The following VSTM2A variants were observed in gnomAD, a reference collection of about 807,000 sequenced individuals.
VSTM2A encodes the protein V-set and transmembrane domain containing 2A.
Under a neutral mutation model 27.3 loss-of-function variants are expected in VSTM2A, and 13 were observed. The ratio of observed to expected loss-of-function variants is 0.48; its 90% CI spans 0.31 to 0.76. The LOEUF is 0.76. Ranked by LOEUF, VSTM2A falls within the 30% of genes least tolerant of loss-of-function variation. The pLI is 0.05. For synonymous variants in VSTM2A, 142 were observed against 125.7 expected, an observed-to-expected ratio of 1.13 and a Z score of -0.87; for missense variants, 280 against 310.0, an observed-to-expected ratio of 0.90 and a Z score of 0.73.
intron 1 of VSTM2A, 119 bp from the exon 2 acceptor site, chr7:54,544,503 A>G (rs1474970171): frequency 8.8e-6 from 11 of 1,253,444 alleles, no homozygotes; most frequent in Non-Finnish European, 1.3e-5. Flanking sequence ...GAAGCCGAGG[A>G]TGTAAGAGAG....
intron 4 of VSTM2A, among the ~76,000 whole-genome samples, chr7:54,553,113 A>G (rs963880050): frequency 6.6e-6 from 1 of 152,256 alleles, no homozygotes; most frequent in Non-Finnish European, 1.5e-5. Context: ...AAGATAGTCT[A>G]TGACCATCTG....
intron 4 of VSTM2A, among the ~76,000 whole-genome samples, chr7:54,565,727 G>A (rs923933382): frequency 3.3e-5 from 5 of 152,236 alleles, no homozygotes; most frequent in Admixed American, 1.3e-4. Context: ...GGCTGCCAAG[G>A]TCTCAACTAC....
At chr7:54,547,202 T>C (rs1788029513) in intron 3 of VSTM2A, 1 of 515,132 alleles carries the variant, frequency 1.9e-6, no homozygotes, top group South Asian at 3.4e-5. Context: ...TGTCTAAACA[T>C]TCTAGAGAAT....
intron 1 of VSTM2A, among the ~76,000 whole-genome samples, chr7:54,543,649 T>G (rs572443318): frequency 1.3e-3 from 195 of 152,312 alleles, no homozygotes; most frequent in Non-Finnish European, 2.4e-3. Context: ...AAATCATTTC[T>G]GCATTCCCCA....
At chr7:54,569,054 T>A in intron 4 of VSTM2A, 77 bp from the exon 5 acceptor site, 1 of 1,606,714 alleles carries the variant, frequency 6.2e-7, no homozygotes, top group Non-Finnish European at 8.5e-7. Context: ...CTGCTTCTTG[T>A]TTGTGGCTTT....
In VSTM2A at chr7:54,542,616, G is replaced by T; in HGVS notation, c.-115G>T. On this transcript the variant is annotated 5_prime_UTR_variant, in exon 1 of 5. An upstream start codon of the reference 5' UTR is lost. Coordinates refer to ENST00000402613, the MANE Select transcript of VSTM2A (RefSeq NM_001301009.2). The stretch of plus-strand genomic sequence containing the variant: ...GCCCTCGCCAAGCAAGCAGCAGGAT[G>T]TTTGCAGTGTCGCGCCCAGGGCTCT... 1 of 864,026 alleles carries T rather than the reference G, an allele frequency of 1.2e-6. No homozygotes were observed. Among genetic ancestry groups the T allele is most frequent in the Non-Finnish European group, 1.9e-6 (1 of 531,244 alleles). 53.5% of individuals were successfully genotyped at this position (864,026 alleles called of 1,614,324 possible).
At chr7:54,551,408 C>T (rs970075328) in intron 4 of VSTM2A, 1 of 151,452 alleles carries the variant, frequency 6.6e-6, no homozygotes, top group African/African-American at 2.4e-5. Context: ...GTTTGCCCTG[C>T]CTTATAATGT....
intron 4 of VSTM2A, among the ~76,000 whole-genome samples, chr7:54,555,639 A>G (rs1335477729): frequency 6.6e-6 from 1 of 152,202 alleles, no homozygotes; most frequent in Non-Finnish European, 1.5e-5. Flanking sequence ...GCTCAAAGTC[A>G]CACATTCTGG....
chr7:54,562,558 C>T (rs146254621), intron 4 of VSTM2A, among the ~76,000 whole-genome samples: 1,849 of 152,278 alleles, frequency 0.012, 18 homozygotes, highest in Non-Finnish European at 0.017. Flanking sequence ...CCTCAACTCA[C>T]GAGTTATTCT....
chr7:54,553,998 C>G, intron 4 of VSTM2A: 1 of 1,553,228 alleles, frequency 6.4e-7, no homozygotes, highest in Non-Finnish European at 8.7e-7. Flanking sequence ...AACTGTGAAG[C>G]GGCTTCCTGC....
intron 1 of VSTM2A, among the ~76,000 whole-genome samples, chr7:54,543,888 GC>G (rs1475616419): frequency 6.6e-6 from 1 of 152,192 alleles, no homozygotes; most frequent in African/African-American, 2.4e-5. Flanking sequence ...CATGAATCTT[GC>G]AAACTAGCAG....
chr7:54,561,956 A>G (rs1788575501), intron 4 of VSTM2A, among the ~76,000 whole-genome samples: 1 of 151,756 alleles, frequency 6.6e-6, no homozygotes, highest in African/African-American at 2.4e-5. Flanking sequence ...ACAGAGTCTC[A>G]CTCTGTCACC....
intron 3 of VSTM2A, among the ~76,000 whole-genome samples, chr7:54,547,837 C>T (rs1198832383): frequency 1.3e-5 from 2 of 151,958 alleles, no homozygotes; most frequent in Non-Finnish European, 2.9e-5. Context: ...CTTACAATAG[C>T]GTAAAGTGGT....
At chr7:54,568,911 G>T in intron 4 of VSTM2A, 1 of 1,338,242 alleles carries the variant, frequency 7.5e-7, no homozygotes, top group Non-Finnish European at 1.0e-6. Context: ...CCAAGCTGGC[G>T]AGCTAATTAA....
chr7:54,554,784 C>A (rs968484362), intron 4 of VSTM2A, among the ~76,000 whole-genome samples: 2 of 152,208 alleles, frequency 1.3e-5, no homozygotes, highest in Admixed American at 1.3e-4. Context: ...CCCCAGCCTT[C>A]CTCCAGCCAC....
Position 54,570,416 on chromosome 7 carries a change from T to C in VSTM2A, c.*1197T>C, listed in dbSNP as rs925133602. 1 of 152,202 alleles carries C rather than the reference T, an allele frequency of 6.6e-6. No homozygotes were observed. Among genetic ancestry groups the C allele is most frequent in the Non-Finnish European group, 1.5e-5 (1 of 68,024 alleles). 9.4% of individuals were successfully genotyped at this position (152,202 alleles called of 1,614,324 possible). On this transcript the variant is annotated 3_prime_UTR_variant, in exon 5 of 5. Transcript: ENST00000402613. ...AAAATGCTGCTTCCTTTGACCTTTA[T>C]GAATTTCTGTACCTTTGTCATTCTG...
At position 54,542,508 on chromosome 7, in the gene VSTM2A, C is replaced by G. The variant is rs1787813891; in HGVS notation, c.-223C>G. 1.8e-6 allele frequency: 1 copy of G among 558,038 alleles called. No individual in the cohort carries two copies. The highest frequency in any genetic ancestry group is 2.4e-5 in the South Asian group (1 of 41,890). The allele number at this position is 558,038 out of a possible 1,614,324, so 34.6% of individuals were successfully genotyped here. The stretch of plus-strand genomic sequence containing the variant: ...CCGAGACACTTCCCAGCGATTCCAG[C>G]CTGGGCTCCGCAGGAAGCCTCGCTG... On this transcript the variant is annotated 5_prime_UTR_variant, in exon 1 of 5. Coordinates refer to ENST00000402613, the MANE Select transcript of VSTM2A (RefSeq NM_001301009.2).
rs147100383 is a variant in VSTM2A at position 54,544,750 on chromosome 7, G to C, written c.208G>C (p.Glu70Gln). 1.2e-4 allele frequency: 191 copies of C among 1,612,262 alleles called. No homozygotes were observed. In the African/African-American group the frequency reaches 2.5e-3, roughly 21 times the overall value. The change falls in exon 2 of 5, where the codon GAG becomes CAG. Residue 70 changes from glutamate (E) to glutamine (Q), a missense_variant. Transcript: ENST00000402613. ...EIQWWFLRGP[E>Q]DLDPGAEGAG... Reference sequence around the variant, plus strand: ...CCAATGGTGGTTCCTGCGGGGGCCGGAGGACCTGGATCCCGGGGCCGAGGG... The same window carrying C: ...CCAATGGTGGTTCCTGCGGGGGCCGCAGGACCTGGATCCCGGGGCCGAGGG...
In VSTM2A at chr7:54,569,455, A is replaced by C. The variant is rs934093635; in HGVS notation, c.*236A>C. On this transcript the variant is annotated 3_prime_UTR_variant, in exon 5 of 5. Coordinates refer to ENST00000402613, the MANE Select transcript of VSTM2A (RefSeq NM_001301009.2). Reference sequence around the variant, plus strand: ...AATGTCATCAGGATAGGGAATATTTACTATGGATACCACTAATTTCCTACT... The same window carrying C: ...AATGTCATCAGGATAGGGAATATTTCCTATGGATACCACTAATTTCCTACT... The C allele has an allele frequency of 1.2e-5, 7 of 605,318 alleles. No homozygotes were observed. Among genetic ancestry groups the C allele is most frequent in the Non-Finnish European group, 1.9e-5 (7 of 366,878 alleles). The allele number at this position is 605,318 out of a possible 1,614,324, so 37.5% of individuals were successfully genotyped here. A position where few individuals can be genotyped will look rare whatever the true frequency, so the allele number is the denominator to read the frequency against.
Sources: allele counts gnomAD v4.1 joint callset (sites outside exome capture counted in the v4.1 genomes callset), GRCh38; gene constraint gnomAD v4.1.1; transcripts MANE v1.5; gene names NCBI Gene and HGNC (gene_info 2026-07-23, HGNC 2026-07-21).